PTPRT: variants seen among roughly 807,000 people sequenced by gnomAD.
The protein encoded by PTPRT is protein tyrosine phosphatase receptor type T, also known as receptor-type tyrosine-protein phosphatase T.
PTPRT carries 56 observed loss-of-function variants against 176.8 expected under a neutral mutation model. The ratio of observed to expected loss-of-function variants is 0.32; its 90% CI spans 0.26 to 0.40. The LOEUF (loss-of-function observed/expected upper bound fraction) is 0.40. Ranked by LOEUF, PTPRT falls within the 10% of genes least tolerant of loss-of-function variation. The pLI is 1.00. For missense variants in PTPRT, 1,540 were observed against 1,908.2 expected (o/e 0.81, Z 3.60); for synonymous variants, 783 against 739.0 (o/e 1.06, Z -0.96).
At chr20:42,459,867 T>C (rs2070988818) in intron 8 of PTPRT, among the ~76,000 whole-genome samples, 1 of 149,568 alleles carries the variant, frequency 6.7e-6, no homozygotes, top group South Asian at 2.1e-4. Flanking sequence ...TTCACCTGCC[T>C]TGGCCTCTCA....
At position 42,315,779 on chromosome 20, in the gene PTPRT, G is replaced by A; in HGVS notation, c.2083C>T (p.Leu695Phe). Residue 695 changes from leucine (L) to phenylalanine (F), a missense_variant, in exon 12 of 31, where the codon CTC becomes TTC. Physicochemically the swap from Leu to Phe is conservative, Grantham distance 22 (BLOSUM62 0). This residue lies in a region of PTPRT where 255 missense variants were observed against 250.1 expected (regional missense o/e 1.02). Coordinates refer to ENST00000373187, the MANE Select transcript of PTPRT (RefSeq NM_007050.6). The part of the protein sequence containing the change: ...KTYNGYWNPP[L>F]SPLKSYSIYF... ...ATGCTGTAGCTTTTCAGGGGAGAGA[G>A]AGGAGGGTTCCAGTAGCCATTGTAT... 3.1e-6 allele frequency: 5 copies of A among 1,614,148 alleles called. No individual in the cohort carries two copies. Among genetic ancestry groups the A allele is most frequent in the Non-Finnish European group, 4.2e-6 (5 of 1,180,002 alleles).
chr20:42,329,504 TAC>T (rs1254341273), intron 11 of PTPRT, among the ~76,000 whole-genome samples: 27 of 121,190 alleles, frequency 2.2e-4, no homozygotes, highest in African/African-American at 5.0e-4. Context: ...CACACACACA[TAC>T]ACACACACAC....
chr20:42,655,083 C>A (rs1387051866), intron 7 of PTPRT, among the ~76,000 whole-genome samples: 3 of 152,126 alleles, frequency 2.0e-5, no homozygotes, highest in Non-Finnish European at 4.4e-5. Flanking sequence ...TGAAAAGGTC[C>A]ATTTCAATGG....
At chr20:42,751,223 C>T (rs1008219376) in intron 6 of PTPRT, among the ~76,000 whole-genome samples, 7 of 152,176 alleles carry the variant, frequency 4.6e-5, no homozygotes, top group African/African-American at 1.7e-4. Context: ...TTACAGCTCC[C>T]AGAACCCTCG....
At chr20:42,963,218 A>T (rs1422772866) in intron 1 of PTPRT, among the ~76,000 whole-genome samples, 3 of 151,650 alleles carry the variant, frequency 2.0e-5, no homozygotes, top group Non-Finnish European at 2.9e-5. Flanking sequence ...TAAAAATAAA[A>T]ATAAAAACAG....
At chr20:42,936,912 G>C (rs1242952088) in intron 1 of PTPRT, among the ~76,000 whole-genome samples, 1 of 152,142 alleles carries the variant, frequency 6.6e-6, no homozygotes, top group African/African-American at 2.4e-5. Context: ...AGAAAACTAG[G>C]GTGATCATTA....
At chr20:43,005,165 A>T (rs769869296) in intron 1 of PTPRT, among the ~76,000 whole-genome samples, 4 of 152,030 alleles carry the variant, frequency 2.6e-5, no homozygotes, top group Non-Finnish European at 5.9e-5. Flanking sequence ...AAAAACACAC[A>T]AGTTAAATCC....
At chr20:42,731,967 C>G (rs1478117614) in intron 6 of PTPRT, among the ~76,000 whole-genome samples, 1 of 152,172 alleles carries the variant, frequency 6.6e-6, no homozygotes, top group East Asian at 1.9e-4. Flanking sequence ...TTCTCTTGTC[C>G]ACTTACCGAA....
At chr20:42,623,758 C>G (rs953838401) in intron 7 of PTPRT, among the ~76,000 whole-genome samples, 1 of 152,092 alleles carries the variant, frequency 6.6e-6, no homozygotes, top group Non-Finnish European at 1.5e-5. Flanking sequence ...TCAGGAGACT[C>G]CTGATTTTCC....
the PTPRT span, among the ~76,000 whole-genome samples, chr20:42,062,517 C>A: frequency 6.6e-6 from 1 of 152,168 alleles, no homozygotes. Flanking sequence ...GGGGTTTTAT[C>A]CGCTTTCAGA....
the PTPRT span, among the ~76,000 whole-genome samples, chr20:42,042,874 C>A: frequency 6.6e-6 from 1 of 152,226 alleles, no homozygotes; most frequent in African/African-American, 2.4e-5. Flanking sequence ...TATTGGATCC[C>A]TCCATGGGGA....
chr20:43,121,500 A>G (rs1326031003), intron 1 of PTPRT, among the ~76,000 whole-genome samples: 2 of 152,258 alleles, frequency 1.3e-5, no homozygotes, highest in East Asian at 3.8e-4. Flanking sequence ...TGTCTGTATC[A>G]GTTAATGAAT....
At chr20:42,950,881 T>C (rs1280354272) in intron 1 of PTPRT, among the ~76,000 whole-genome samples, 1 of 152,250 alleles carries the variant, frequency 6.6e-6, no homozygotes, top group African/African-American at 2.4e-5. Context: ...GCACAGGTTA[T>C]ATTTTAGTAT....
At chr20:42,901,089 C>T (rs1180002318) in intron 1 of PTPRT, among the ~76,000 whole-genome samples, 1 of 152,218 alleles carries the variant, frequency 6.6e-6, no homozygotes, top group Non-Finnish European at 1.5e-5. Flanking sequence ...TCGACCCCCA[C>T]ATTCTCAACA....
the PTPRT span, among the ~76,000 whole-genome samples, chr20:42,062,482 A>G: frequency 2.0e-5 from 3 of 152,102 alleles, no homozygotes; most frequent in Non-Finnish European, 4.4e-5. Context: ...CTTTGGCAGG[A>G]TGTGTAGAGG....
intron 1 of PTPRT, among the ~76,000 whole-genome samples, chr20:43,127,607 A>G (rs1010781162): frequency 2.0e-5 from 3 of 152,126 alleles, no homozygotes; most frequent in Non-Finnish European, 2.9e-5. Flanking sequence ...GAGATGCAAC[A>G]GAAAGCCCAG....
chr20:42,118,226 A>T (rs1987396001), intron 21 of PTPRT, among the ~76,000 whole-genome samples, 177 bp downstream of exon 21: 1 of 152,186 alleles, frequency 6.6e-6, no homozygotes, highest in Non-Finnish European at 1.5e-5. Context: ...GATGAAGGGG[A>T]TTTGAAGGGA....
At chr20:42,206,575 G>T (rs888870968) in intron 15 of PTPRT, among the ~76,000 whole-genome samples, 3 of 152,206 alleles carry the variant, frequency 2.0e-5, no homozygotes, top group African/African-American at 4.8e-5. Context: ...CATTTCCGAC[G>T]GGCTTAAAAA....
intron 14 of PTPRT, among the ~76,000 whole-genome samples, chr20:42,239,709 G>A (rs6030081): frequency 0.6 from 90,431 of 151,844 alleles, 27,398 homozygotes; most frequent in African/African-American, 0.67. Context: ...GGCATGAACC[G>A]CCGTGCCCAG....
Sources: allele counts gnomAD v4.1 joint callset (sites outside exome capture counted in the v4.1 genomes callset), GRCh38; gene constraint gnomAD v4.1.1; regional missense constraint gnomAD v4.1.1; transcripts MANE v1.5; gene names NCBI Gene and HGNC (gene_info 2026-07-23, HGNC 2026-07-21).